PHGDH: variants seen among roughly 807,000 people sequenced by gnomAD.
PHGDH encodes phosphoglycerate dehydrogenase.
A neutral mutation model predicts 52.6 loss-of-function variants in PHGDH; 50 were observed. That is an observed-to-expected ratio of 0.95 (90% CI 0.76 to 1.20). The LOEUF is 1.20. Ranked by LOEUF, PHGDH falls within the 50% of genes most tolerant of loss-of-function variation. PHGDH has a pLI of 0.00. For synonymous variants in PHGDH, 271 were observed against 280.5 expected (o/e 0.97, Z 0.34); for missense variants, 630 against 684.6 (o/e 0.92, Z 0.89).
intron 3 of PHGDH, chr1:119,726,534 C>A: frequency 2.1e-6 from 1 of 469,964 alleles, no homozygotes; most frequent in South Asian, 2.1e-5. Context: ...CCCTACAGAC[C>A]CTGGAGGATT....
chr1:119,727,127 A>T, intron 5 of PHGDH, 25 bp downstream of exon 5: 1 of 1,390,570 alleles, frequency 7.2e-7, no homozygotes, highest in African/African-American at 1.4e-5. Flanking sequence ...GAACCCTGTG[A>T]TGTGGGACTT....
rs1417560523 is a variant in PHGDH, at chr1:119,741,754, T to C, written c.1079-13T>C. 1 of 1,613,270 alleles carries C rather than the reference T, an allele frequency of 6.2e-7. No homozygotes were observed. Among genetic ancestry groups the C allele is most frequent in the Admixed American group, 1.7e-5 (1 of 60,018 alleles). ...CAAACAGTGACCTCATGGTAGCTTCTCTCTGTCCCCAGGAACATCCCTGAA... is the reference window on the plus strand; with the variant it reads ...CAAACAGTGACCTCATGGTAGCTTCCCTCTGTCCCCAGGAACATCCCTGAA... On this transcript the variant is annotated splice_polypyrimidine_tract_variant and intron_variant, in intron 9 of 11. Coordinates refer to ENST00000641023, the MANE Select transcript of PHGDH (RefSeq NM_006623.4).
At chr1:119,741,142 G>A (rs1188752087) in intron 9 of PHGDH, among the ~76,000 whole-genome samples, 1 of 152,202 alleles carries the variant, frequency 6.6e-6, no homozygotes, top group South Asian at 2.1e-4. Context: ...AGTACTGTGC[G>A]GATGTGGTTG....
Position 119,743,054 on chromosome 1 carries a change from G to C in PHGDH, c.1447+10G>C. 6.5e-7 allele frequency: 1 copy of C among 1,547,598 alleles called. No individual in the cohort carries two copies. The highest frequency in any genetic ancestry group is 8.9e-7 in the Non-Finnish European group (1 of 1,119,104). ...CTGCCTACCATGATTGGTGAGGAGG[G>C]CCCTGTAGGGCTGGCTGGTGTCCTT... On this transcript the variant is annotated intron_variant, in intron 11 of 11. Coordinates refer to ENST00000641023, the MANE Select transcript of PHGDH (RefSeq NM_006623.4).
chr1:119,726,956 C>T, intron 4 of PHGDH, 48 bp from the exon 5 acceptor site: 2 of 1,606,246 alleles, frequency 1.2e-6, no homozygotes, highest in Non-Finnish European at 1.7e-6. Flanking sequence ...CCGGGGTCCA[C>T]TCATGTTGCT....
At position 119,734,413 on chromosome 1, in the gene PHGDH, A is replaced by G. The variant is rs964067238; in HGVS notation, c.511-221A>G. The G allele has an allele frequency of 5.4e-6, 3 of 559,108 alleles. No homozygotes were observed. The African/African-American group carries it at 5.6e-5, about 10-fold the overall frequency. 34.6% of individuals were successfully genotyped at this position (559,108 alleles called of 1,614,324 possible). ...ACAGTCCCAGCATCATTGTGTGGTC[A>G]TGAGAATTAATTAAGCTGATCATGG... On this transcript the variant is annotated intron_variant, in intron 5 of 11. Coordinates refer to ENST00000641023, the MANE Select transcript of PHGDH (RefSeq NM_006623.4).
chr1:119,715,095 G>A (rs1340089388), intron 1 of PHGDH, among the ~76,000 whole-genome samples: 1 of 152,126 alleles, frequency 6.6e-6, no homozygotes, highest in Non-Finnish European at 1.5e-5. Flanking sequence ...CTTTGACTGT[G>A]ACCCACAATA....
At chr1:119,717,662 A>T (rs1284345164) in intron 1 of PHGDH, among the ~76,000 whole-genome samples, 2 of 151,550 alleles carry the variant, frequency 1.3e-5, no homozygotes, top group South Asian at 2.1e-4. Context: ...TCTGCTTTTT[A>T]TTTTCTAAAT....
At chr1:119,733,115 ACCAGC>A (rs1486075645) in intron 5 of PHGDH, among the ~76,000 whole-genome samples, 6 of 152,040 alleles carry the variant, frequency 3.9e-5, no homozygotes, top group Non-Finnish European at 8.8e-5. Context: ...GAAAAAGACC[ACCAGC>A]GTTCTGAGCT....
chr1:119,739,883 G>A (rs1652111978), intron 8 of PHGDH: 1 of 167,820 alleles, frequency 6.0e-6, no homozygotes, highest in African/African-American at 2.4e-5. Flanking sequence ...GTTGATATTT[G>A]AAGCACGATC....
chr1:119,740,549 A>T, intron 9 of PHGDH, 31 bp downstream of exon 9: 2 of 1,532,596 alleles, frequency 1.3e-6, no homozygotes, highest in African/African-American at 2.7e-5. Flanking sequence ...AGGGAGGGGG[A>T]GGAGGGGATG....
At chr1:119,735,262 G>T (rs199904521) in intron 6 of PHGDH, 33 bp from the exon 7 acceptor site, 42 of 1,613,706 alleles carry the variant, frequency 2.6e-5, no homozygotes, top group Non-Finnish European at 4.2e-6. Flanking sequence ...TCCTGGTGCT[G>T]CCCCAGCAGG....
chr1:119,735,094 G>A (rs1651873009), intron 6 of PHGDH: 4 of 712,858 alleles, frequency 5.6e-6, no homozygotes. Flanking sequence ...TTTCTAAACT[G>A]AGTCTGGCCC....
rs200336174 is a variant in PHGDH at position 119,735,380 on chromosome 1, C to T, written c.729C>T (p.Gly243=). 70 of 1,614,018 alleles carry T rather than the reference C, an allele frequency of 4.3e-5. No individual in the cohort carries two copies. Among genetic ancestry groups the T allele is most frequent in the Non-Finnish European group, 5.5e-5 (65 of 1,180,040 alleles). Residue 243 remains glycine, a synonymous_variant, in exon 7 of 12, where the codon GGC becomes GGT. Coordinates refer to ENST00000641023, the MANE Select transcript of PHGDH (RefSeq NM_006623.4). The part of the protein sequence containing the change: ...NCARGGIVDE[G]ALLRALQSGQ... The stretch of plus-strand genomic sequence containing the variant: ...CCCGTGGAGGGATCGTGGACGAAGG[C>T]GCCCTGCTCCGGGCCCTGCAGTCTG...
rs1427505324 is a variant in PHGDH, at chr1:119,737,096, G to C, written c.793-18G>C. Reference sequence around the variant, plus strand: ...CCAGTCCATGGCAGCCAACTTAGAGGTATCTCTTTCTGGGCAGGAGCCGCC... The same window carrying C: ...CCAGTCCATGGCAGCCAACTTAGAGCTATCTCTTTCTGGGCAGGAGCCGCC... On this transcript the variant is annotated intron_variant, in intron 7 of 11. Transcript: ENST00000641023. 1 of 1,613,544 alleles carries C rather than the reference G, an allele frequency of 6.2e-7. No homozygotes were observed. Among genetic ancestry groups the C allele is most frequent in the African/African-American group, 1.3e-5 (1 of 74,932 alleles).
At chr1:119,730,205 A>T (rs1651631466) in intron 5 of PHGDH, 1 of 152,218 alleles carries the variant, frequency 6.6e-6, no homozygotes, top group Non-Finnish European at 1.5e-5. Flanking sequence ...TGTGAAAGAG[A>T]TGTATAAGCA....
chr1:119,737,103 T>G lies in PHGDH; in HGVS notation c.793-11T>G, dbSNP rs770897520. 1 of 1,613,874 alleles carries G rather than the reference T, an allele frequency of 6.2e-7. No individual in the cohort carries two copies. Among genetic ancestry groups the G allele is most frequent in the Non-Finnish European group, 8.5e-7 (1 of 1,179,868 alleles). On this transcript the variant is annotated splice_polypyrimidine_tract_variant and intron_variant, in intron 7 of 11. Coordinates refer to ENST00000641023, the MANE Select transcript of PHGDH (RefSeq NM_006623.4). ...ATGGCAGCCAACTTAGAGGTATCTC[T>G]TTCTGGGCAGGAGCCGCCACGGGAC...
In PHGDH at chr1:119,727,108, A is replaced by G. The variant is rs371736796; in HGVS notation, c.510+6A>G. ...TGCAGTCCTTTGGGATGAAGGTAAG[A>G]TGTTGCTGGAACCCTGTGATGTGGG... is the stretch of plus-strand genomic sequence containing the variant. On this transcript the variant is annotated splice_donor_region_variant and intron_variant, in intron 5 of 11. Coordinates refer to ENST00000641023, the MANE Select transcript of PHGDH (RefSeq NM_006623.4). 384 of 1,534,524 alleles carry G rather than the reference A, an allele frequency of 2.5e-4. 1 individual carries two copies. In the African/African-American group the frequency reaches 4.3e-3, roughly 17 times the overall value.
rs978429018 is a variant in PHGDH at position 119,727,325 on chromosome 1, G to T, written c.510+223G>T. On this transcript the variant is annotated intron_variant, in intron 5 of 11. Coordinates refer to ENST00000641023, the MANE Select transcript of PHGDH (RefSeq NM_006623.4). The stretch of plus-strand genomic sequence containing the variant: ...GGTGGGGGTCCTTTAGCTCTCTGGT[G>T]AGTGAATAGCCCTGAGTCCCAGTGA... 1.9e-5 allele frequency: 11 copies of T among 581,968 alleles called. No individual in the cohort carries two copies. In the Admixed American group the frequency reaches 3.0e-4, roughly 16 times the overall value. The allele number at this position is 581,968 out of a possible 1,614,324, so 36.1% of individuals were successfully genotyped here.
Sources: gnomAD v4.1 joint callset for allele counts (sites outside exome capture counted in the v4.1 genomes callset) on GRCh38, gnomAD v4.1.1 for gene constraint, MANE v1.5 for transcripts, NCBI Gene and HGNC (gene_info 2026-07-23, HGNC 2026-07-21) for gene names.